IRAK2: variants seen among roughly 807,000 people sequenced by gnomAD.
IRAK2 encodes interleukin-1 receptor-associated kinase-like 2.
Under a neutral mutation model 72.0 loss-of-function variants are expected in IRAK2, and 57 were observed. The observed-to-expected ratio is 0.79, with a 90% CI of 0.64 to 0.99. The LOEUF (loss-of-function observed/expected upper bound fraction) is 0.99. Among genes scored for constraint, IRAK2 ranks in the 50% least tolerant of loss-of-function variants. The pLI is 0.00. For synonymous variants in IRAK2, 293 were observed against 312.7 expected (o/e 0.94, Z 0.67); for missense variants, 790 against 794.4 (o/e 0.99, Z 0.07).
At chr3:10,172,466 A>G (rs551696701) in intron 1 of IRAK2, among the ~76,000 whole-genome samples, 1 of 131,136 alleles carries the variant, frequency 7.6e-6, no homozygotes, top group African/African-American at 2.9e-5. Flanking sequence ...TGAACCTGGG[A>G]GGTGGAGGTT....
chr3:10,206,378 G>A (rs576239819), intron 3 of IRAK2, among the ~76,000 whole-genome samples: 1 of 152,118 alleles, frequency 6.6e-6, no homozygotes, highest in African/African-American at 2.4e-5. Context: ...TCTCCAGCTC[G>A]CATTCTCCTG....
intron 2 of IRAK2, among the ~76,000 whole-genome samples, chr3:10,184,428 G>C (rs1236233882): frequency 3.3e-5 from 5 of 152,170 alleles, no homozygotes; most frequent in African/African-American, 1.2e-4. Context: ...AGGGAGATAG[G>C]CCTGGGGGCC....
intron 3 of IRAK2, among the ~76,000 whole-genome samples, chr3:10,207,650 C>T (rs980596022): frequency 2.0e-5 from 3 of 152,134 alleles, no homozygotes; most frequent in African/African-American, 7.2e-5. Flanking sequence ...CCCTAAACTA[C>T]TTGTCAAACA....
At chr3:10,184,730 T>TTG (rs1697020158) in intron 2 of IRAK2, among the ~76,000 whole-genome samples, 1 of 55,478 alleles carries the variant, frequency 1.8e-5, no homozygotes, top group South Asian at 3.5e-4. Flanking sequence ...TGTGTTTTTT[T>TTG]TTTTTTTTTT....
intron 10 of IRAK2, among the ~76,000 whole-genome samples, chr3:10,231,892 T>C (rs1177615): frequency 6.6e-6 from 1 of 152,024 alleles, no homozygotes; most frequent in Non-Finnish European, 1.5e-5. Context: ...TTTGGGAGGC[T>C]GAGGCAGGCG....
At chr3:10,220,966 C>G (rs746842583) in intron 8 of IRAK2, among the ~76,000 whole-genome samples, 1 of 152,046 alleles carries the variant, frequency 6.6e-6, no homozygotes, top group East Asian at 1.9e-4. Flanking sequence ...GTAAACATTT[C>G]GCTACATTGT....
At chr3:10,212,079 CAA>C (rs34310634) in intron 4 of IRAK2, among the ~76,000 whole-genome samples, 6 of 121,586 alleles carry the variant, frequency 4.9e-5, no homozygotes, top group Non-Finnish European at 3.4e-5. Context: ...GACTCTGTCT[CAA>C]AAAAAAAAAA....
intron 4 of IRAK2, among the ~76,000 whole-genome samples, chr3:10,209,982 C>T (rs921846099): frequency 6.6e-5 from 10 of 152,100 alleles, no homozygotes; most frequent in South Asian, 2.1e-4. Flanking sequence ...TGCAGTGGCA[C>T]GATCTCGGGT....
At chr3:10,236,923 C>T (rs1164847497) in intron 11 of IRAK2, among the ~76,000 whole-genome samples, 2 of 152,194 alleles carry the variant, frequency 1.3e-5, no homozygotes, top group Non-Finnish European at 2.9e-5. Flanking sequence ...TATTGGGGAC[C>T]CAGGCTCCTT....
chr3:10,242,418 C>G lies in IRAK2; in HGVS notation c.*190C>G, dbSNP rs184485627. The G allele has an allele frequency of 1.7e-5, 7 of 420,484 alleles. No homozygotes were observed. The highest frequency in any genetic ancestry group is 1.2e-4 in the African/African-American group (6 of 49,350). 26.0% of individuals were successfully genotyped at this position (420,484 alleles called of 1,614,324 possible). The stretch of plus-strand genomic sequence containing the variant: ...GAAAGGCCCTCAGCTTTTAGAGACA[C>G]AAAAATCCATGAAGTCTCTTCCTTT... On this transcript the variant is annotated 3_prime_UTR_variant, in exon 13 of 13. Transcript: ENST00000256458.
At chr3:10,223,914 T>C (rs1317735514) in intron 9 of IRAK2, among the ~76,000 whole-genome samples, 1 of 152,244 alleles carries the variant, frequency 6.6e-6, no homozygotes, top group Non-Finnish European at 1.5e-5. Context: ...GAGTCACCTC[T>C]GCCCTCAGCC....
At chr3:10,211,878 C>T (rs971836608) in intron 4 of IRAK2, among the ~76,000 whole-genome samples, 2 of 151,956 alleles carry the variant, frequency 1.3e-5, no homozygotes, top group African/African-American at 2.4e-5. Context: ...GAGATGGAGA[C>T]CATCCTGGCT....
chr3:10,206,506 T>C (rs866473643), intron 3 of IRAK2, among the ~76,000 whole-genome samples: 2 of 152,230 alleles, frequency 1.3e-5, no homozygotes, highest in Non-Finnish European at 2.9e-5. Flanking sequence ...TCTGTGTGGG[T>C]TAATTGTTTA....
chr3:10,234,203 C>A (rs918553628), intron 10 of IRAK2, among the ~76,000 whole-genome samples: 12 of 152,116 alleles, frequency 7.9e-5, no homozygotes, highest in Non-Finnish European at 1.6e-4. Context: ...CCTGATGAAC[C>A]AACCGAGGCC....
At chr3:10,237,163 C>T (rs535333837) in intron 11 of IRAK2, among the ~76,000 whole-genome samples, 4 of 152,312 alleles carry the variant, frequency 2.6e-5, no homozygotes, top group Admixed American at 6.5e-5. Flanking sequence ...CAAGGAAATG[C>T]GGTCTTTAGA....
intron 2 of IRAK2, among the ~76,000 whole-genome samples, chr3:10,197,883 T>C (rs1343100744): frequency 1.5e-5 from 2 of 136,088 alleles, no homozygotes; most frequent in African/African-American, 2.8e-5. Context: ...AAAATATCAG[T>C]GACAGTAAAG....
intron 1 of IRAK2, among the ~76,000 whole-genome samples, chr3:10,170,617 G>T (rs943828233): frequency 6.6e-6 from 1 of 152,188 alleles, no homozygotes; most frequent in African/African-American, 2.4e-5. Context: ...TGGAATGGAA[G>T]CCCCGTGCGG....
chr3:10,218,224 C>A (rs457803), intron 7 of IRAK2, among the ~76,000 whole-genome samples: 2 of 151,980 alleles, frequency 1.3e-5, no homozygotes, highest in South Asian at 4.1e-4. Context: ...AGGAGTTTGA[C>A]ACCAGCCTGA....
intron 1 of IRAK2, among the ~76,000 whole-genome samples, chr3:10,174,970 C>G (rs1175164089): frequency 6.7e-6 from 1 of 149,884 alleles, no homozygotes; most frequent in East Asian, 1.9e-4. Flanking sequence ...GTGTGTCTGT[C>G]ATCCCAGCTG....
Sources: gnomAD v4.1 joint callset for allele counts (sites outside exome capture counted in the v4.1 genomes callset) on GRCh38, gnomAD v4.1.1 for gene constraint, MANE v1.5 for transcripts, NCBI Gene and HGNC (gene_info 2026-07-23, HGNC 2026-07-21) for gene names.